The following PNPLA7 variants were observed in gnomAD, a reference collection of about 807,000 sequenced individuals.
PNPLA7 encodes the protein patatin-like phospholipase domain-containing protein 7.
PNPLA7 carries 153 observed loss-of-function variants against 161.7 expected under a neutral mutation model. The observed-to-expected ratio is 0.95, with a 90% CI of 0.83 to 1.08. The LOEUF is 1.08. Among genes scored for constraint, PNPLA7 ranks in the 50% least tolerant of loss-of-function variants. PNPLA7 has a pLI of 0.00. For synonymous variants in PNPLA7, 809 were observed against 782.1 expected, an observed-to-expected ratio of 1.03 and a Z score of -0.57; for missense variants, 1,739 against 1,856.6, an observed-to-expected ratio of 0.94 and a Z score of 1.16.
intron 11 of PNPLA7, among the ~76,000 whole-genome samples, chr9:137,518,535 T>C (rs1195217590): frequency 2.1e-4 from 8 of 37,596 alleles, no homozygotes; most frequent in East Asian, 1.0e-3. Context: ...TCCACTCTGC[T>C]CACTCCATCC....
chr9:137,511,684 G>C (rs1373323522), intron 12 of PNPLA7, among the ~76,000 whole-genome samples: 1 of 152,236 alleles, frequency 6.6e-6, no homozygotes, highest in Non-Finnish European at 1.5e-5. Context: ...AGTCATTGGA[G>C]GCTTCAACGT....
intron 26 of PNPLA7, among the ~76,000 whole-genome samples, chr9:137,466,977 C>T (rs1013336748): frequency 6.7e-6 from 1 of 149,978 alleles, no homozygotes; most frequent in Non-Finnish European, 1.5e-5. Context: ...CGCCTCCCAC[C>T]ACCGTCTCCA....
At chr9:137,461,730 G>T in intron 32 of PNPLA7, 110 bp from the exon 33 acceptor site, 1 of 1,250,108 alleles carries the variant, frequency 8.0e-7, no homozygotes, top group Non-Finnish European at 1.1e-6. Flanking sequence ...TGCAGCCTCC[G>T]CCTGCCCCCC....
At position 137,467,937 on chromosome 9, in the gene PNPLA7, C is replaced by T. The variant is rs1316078152; in HGVS notation, c.2883-464G>A. 6.6e-6 allele frequency among the ~76,000 whole-genome samples: 1 copy of T among 152,074 alleles called. No homozygotes were observed. Among genetic ancestry groups the T allele is most frequent in the African/African-American group, 2.4e-5 (1 of 41,392 alleles). On this transcript the variant is annotated intron_variant, in intron 25 of 34. Coordinates refer to ENST00000406427, the MANE Select transcript of PNPLA7 (RefSeq NM_001098537.3). This position sits in a 1 kb window ranked among gnomAD's most constrained non-coding sequence, Gnocchi z 5.1. ...AATAAATTAATTAAATAAATGAAAT[C>T]CTTCCTTCTGGAGGTACTGAGGGAC...
At chr9:137,510,837 G>C (rs1181480126) in intron 12 of PNPLA7, among the ~76,000 whole-genome samples, 1 of 152,212 alleles carries the variant, frequency 6.6e-6, no homozygotes, top group Non-Finnish European at 1.5e-5. Context: ...CAGGTGCCGA[G>C]GCATGAGACT....
chr9:137,498,338 C>T (rs1486343900), intron 16 of PNPLA7, 93 bp from the exon 17 acceptor site: 3 of 1,536,730 alleles, frequency 2.0e-6, no homozygotes, highest in African/African-American at 1.4e-5. Flanking sequence ...GGACCCACAA[C>T]CCCCACCCCA....
At chr9:137,525,661 C>T (rs1449730362) in intron 8 of PNPLA7, among the ~76,000 whole-genome samples, 1 of 151,090 alleles carries the variant, frequency 6.6e-6, no homozygotes, top group Non-Finnish European at 1.5e-5. Context: ...GTGTACAGGG[C>T]GTAACACGAA....
intron 32 of PNPLA7, 97 bp from the exon 33 acceptor site, chr9:137,461,717 C>G (rs1207309998): frequency 3.5e-5 from 47 of 1,330,770 alleles, no homozygotes; most frequent in Non-Finnish European, 4.6e-5. Flanking sequence ...CCTGCGCCCT[C>G]TCTGCAGCCT....
At position 137,544,007 on chromosome 9, in the gene PNPLA7, C is replaced by T. The variant is rs545824645; in HGVS notation, c.274-192G>A. ...GAATGTTGGCAGCGATACAGCCCCA[C>T]ACATCCTTGGGATCGTCCTCACTGT... On this transcript the variant is annotated intron_variant, in intron 4 of 34. Coordinates refer to ENST00000406427, the MANE Select transcript of PNPLA7 (RefSeq NM_001098537.3). 9.8e-5 allele frequency among the ~76,000 whole-genome samples: 15 copies of T among 152,304 alleles called. No individual in the cohort carries two copies. The East Asian group carries it at 2.5e-3, about 26-fold the overall frequency.
rs201175931 is a variant in PNPLA7 at position 137,505,985 on chromosome 9, T to G, written c.1324A>C (p.Lys442Gln). 200 of 1,608,420 alleles carry G rather than the reference T, an allele frequency of 1.2e-4. No individual in the cohort carries two copies. The highest frequency in any genetic ancestry group is 1.6e-4 in the Non-Finnish European group (187 of 1,177,870). The change falls in exon 13 of 35, where the codon AAG (lysine) becomes CAG (glutamine). Residue 442 changes from lysine (K) to glutamine (Q), a missense_variant and splice_region_variant. Coordinates refer to ENST00000406427, the MANE Select transcript of PNPLA7 (RefSeq NM_001098537.3). Reference sequence around the variant, plus strand: ...TGAGAATGACAGCCAGGGCCTACCTTGCTGGCCACGGAGCTCCCGGGGTGC... The same window carrying G: ...TGAGAATGACAGCCAGGGCCTACCTGGCTGGCCACGGAGCTCCCGGGGTGC... ...DEHPGSSVASKSRKSVMVAEI... is the reference protein window; with the variant it reads ...DEHPGSSVASQSRKSVMVAEI...
chr9:137,466,249 T>A (rs1033360937), intron 26 of PNPLA7, among the ~76,000 whole-genome samples: 2 of 152,102 alleles, frequency 1.3e-5, no homozygotes, highest in Non-Finnish European at 2.9e-5. Context: ...GCTGTAACAG[T>A]CAGCTTCTTT....
intron 19 of PNPLA7, 68 bp from the exon 20 acceptor site, chr9:137,493,150 T>A: frequency 6.6e-7 from 1 of 1,515,290 alleles, no homozygotes; most frequent in Non-Finnish European, 9.2e-7. Flanking sequence ...CCAAAGACAG[T>A]GATGCTCAAC....
At chr9:137,531,621 C>T (rs1835585867) in intron 8 of PNPLA7, among the ~76,000 whole-genome samples, 2 of 152,112 alleles carry the variant, frequency 1.3e-5, no homozygotes, top group African/African-American at 2.4e-5. Context: ...GTGGTGTCAA[C>T]GACTGAACTA....
At chr9:137,545,414 G>C (rs946244734) in intron 4 of PNPLA7, among the ~76,000 whole-genome samples, 1 of 152,178 alleles carries the variant, frequency 6.6e-6, no homozygotes, top group Non-Finnish European at 1.5e-5. Flanking sequence ...CTGGCCGAGC[G>C]TGAGGCCCTC....
chr9:137,530,833 CAGG>C (rs1367508502), intron 8 of PNPLA7, among the ~76,000 whole-genome samples: 2 of 151,880 alleles, frequency 1.3e-5, no homozygotes, highest in Non-Finnish European at 2.9e-5. Flanking sequence ...TGCTGCTGTT[CAGG>C]AGAATTCCAA....
In PNPLA7 at chr9:137,524,359, G is replaced by A. The variant is rs991231674; in HGVS notation, c.748-1502C>T. 3.3e-5 allele frequency among the ~76,000 whole-genome samples: 5 copies of A among 150,080 alleles called. 2 individuals are homozygous for A. In the East Asian group the frequency reaches 7.8e-4, roughly 23 times the overall value. ...GCAGTCGAGATTCCCCCACGGTGGC[G>A]CGTCTGCCAGAGGCCTGTGCCTTGG... On this transcript the variant is annotated intron_variant, in intron 8 of 34. Transcript: ENST00000406427. The surrounding 1 kb of genome is among the most constrained non-coding windows in gnomAD (Gnocchi z 4.4).
chr9:137,502,342 C>T (rs1013128281), intron 14 of PNPLA7, among the ~76,000 whole-genome samples: 3 of 152,068 alleles, frequency 2.0e-5, no homozygotes, highest in Admixed American at 6.5e-5. Context: ...AAATAAGAAG[C>T]CCCACCCAGC....
At position 137,547,207 on chromosome 9, in the gene PNPLA7, C is replaced by A; in HGVS notation, c.193+102G>T. ...CGGGCCATCAGATTCTAGCCAAAGC[C>A]ACCATGCGCTTGAGGGCCCCTCCCA... On this transcript the variant is annotated intron_variant, in intron 3 of 34. Coordinates refer to ENST00000406427, the MANE Select transcript of PNPLA7 (RefSeq NM_001098537.3). The surrounding 1 kb of genome is among the most constrained non-coding windows in gnomAD (Gnocchi z 4.6). 8.6e-7 allele frequency: 1 copy of A among 1,166,314 alleles called. No homozygotes were observed. Among genetic ancestry groups the A allele is most frequent in the South Asian group, 1.3e-5 (1 of 78,354 alleles). The allele number at this position is 1,166,314 out of a possible 1,614,324, so 72.2% of individuals were successfully genotyped here.
chr9:137,492,623 A>C (rs1480824307), intron 20 of PNPLA7, among the ~76,000 whole-genome samples: 3 of 79,072 alleles, frequency 3.8e-5, no homozygotes, highest in Non-Finnish European at 7.3e-5. Flanking sequence ...GGCAGGGCCC[A>C]TGAGCTGGGT....
Sources: gnomAD v4.1 joint callset for allele counts (sites outside exome capture counted in the v4.1 genomes callset) on GRCh38, gnomAD v4.1.1 for gene constraint, Gnocchi (gnomAD v3.1) non-coding constraint, MANE v1.5 for transcripts, NCBI Gene and HGNC (gene_info 2026-07-23, HGNC 2026-07-21) for gene names.